Variants in SNX2 observed in about 807,000 individuals in gnomAD.
SNX2 encodes sorting nexin-2.
In SNX2, 25 loss-of-function variants were observed where a neutral mutation model predicts 69.9. That is an observed-to-expected ratio of 0.36 (90% CI 0.26 to 0.50). The LOEUF (loss-of-function observed/expected upper bound fraction) is 0.50. Among genes scored for constraint, SNX2 ranks in the 20% least tolerant of loss-of-function variants. SNX2 has a pLI of 0.97. For synonymous variants in SNX2, 229 were observed against 200.4 expected, an observed-to-expected ratio of 1.14 and a Z score of -1.20; for missense variants, 551 against 613.3, an observed-to-expected ratio of 0.90 and a Z score of 1.07.
rs1434824496 is a variant in SNX2 at position 122,826,164 on chromosome 5, A to G, written c.1327A>G (p.Ile443Val). The part of the protein sequence containing the change: ...KMMVANKPDK[I>V]QQAKNEIREW... ...GATGGTTGCTAACAAACCAGATAAA[A>G]TACAGCAAGCTAAAAATGAAATAAG... Residue 443 changes from isoleucine to valine, a missense_variant, in exon 12 of 15, where the codon ATA becomes GTA. Ile to Val is a conservative substitution (Grantham distance 29, BLOSUM62 3). Around this residue, in one of 2 missense-constraint regions of SNX2, gnomAD observed 360 missense variants for 450.4 expected, o/e 0.80. Transcript: ENST00000379516. 5.6e-6 allele frequency: 9 copies of G among 1,612,768 alleles called. No individual in the cohort carries two copies. Among genetic ancestry groups the G allele is most frequent in the East Asian group, 2.2e-5 (1 of 44,758 alleles).
At chr5:122,786,630 G>A (rs1352305936) in intron 1 of SNX2, among the ~76,000 whole-genome samples, 5 of 151,520 alleles carry the variant, frequency 3.3e-5, no homozygotes, top group South Asian at 2.1e-4. Context: ...TCATTGCTGC[G>A]CACACCAATA....
intron 1 of SNX2, among the ~76,000 whole-genome samples, chr5:122,792,904 T>A (rs1341716338): frequency 6.6e-6 from 1 of 152,126 alleles, no homozygotes; most frequent in Admixed American, 6.5e-5. Flanking sequence ...ATCATGGAAA[T>A]GCAAATTCAG....
In SNX2 at chr5:122,793,915, C is replaced by CA. The variant is rs1357270877; in HGVS notation, c.109-1351_109-1350insA. ...GCAAGAAGAGCAAAATTCTGTCCCC[C>CA]CAAAAAAAAAAAAAAAGACCTGGTT... On this transcript the variant is annotated intron_variant, in intron 1 of 14. Transcript: ENST00000379516. Among the ~76,000 whole-genome samples the CA allele has an allele frequency of 6.5e-5, 9 of 138,954 alleles. No individual in the cohort carries two copies. The South Asian group carries it at 6.9e-4, about 11-fold the overall frequency. 91.2% of individuals were successfully genotyped at this position (138,954 alleles called of 152,430 possible). A position where few individuals can be genotyped will look rare whatever the true frequency, so the allele number is the denominator to read the frequency against.
chr5:122,809,086 A>G (rs1324380105), intron 7 of SNX2, among the ~76,000 whole-genome samples: 3 of 152,198 alleles, frequency 2.0e-5, no homozygotes, highest in Non-Finnish European at 2.9e-5. Flanking sequence ...AATTACATCT[A>G]TACTAAACAT....
intron 10 of SNX2, among the ~76,000 whole-genome samples, chr5:122,817,859 T>C (rs1193883588): frequency 6.6e-6 from 1 of 152,110 alleles, no homozygotes; most frequent in African/African-American, 2.4e-5. Flanking sequence ...ATTTTTGAAC[T>C]GCAATATTGA....
intron 1 of SNX2, among the ~76,000 whole-genome samples, chr5:122,785,510 C>T (rs1472839853): frequency 6.6e-6 from 1 of 151,904 alleles, no homozygotes; most frequent in Non-Finnish European, 1.5e-5. Context: ...TTTCTCCCTA[C>T]TCTTGCTGTT....
rs369169022 is a variant in SNX2, at chr5:122,801,856, T to C, written c.391-13T>C. 181 of 1,488,136 alleles carry C rather than the reference T, an allele frequency of 1.2e-4. No individual in the cohort carries two copies. Among genetic ancestry groups the C allele is most frequent in the Non-Finnish European group, 1.5e-4 (167 of 1,082,474 alleles). The allele number at this position is 1,488,136 out of a possible 1,614,324, so 92.2% of individuals were successfully genotyped here. A position where few individuals can be genotyped will look rare whatever the true frequency, so the allele number is the denominator to read the frequency against. ...ATAATTTTTAATGCCAAAAAATAAT[T>C]TATACTTTCTAGATTGAAGAAGAAG... On this transcript the variant is annotated splice_polypyrimidine_tract_variant and intron_variant, in intron 3 of 14. Coordinates refer to ENST00000379516, the MANE Select transcript of SNX2 (RefSeq NM_003100.4).
intron 12 of SNX2, chr5:122,826,607 T>G: frequency 1.1e-6 from 1 of 870,670 alleles, no homozygotes; most frequent in Non-Finnish European, 1.4e-6. Context: ...TTATTATAAT[T>G]TATACACTTT....
intron 7 of SNX2, among the ~76,000 whole-genome samples, chr5:122,812,950 T>G (rs975382610): frequency 2.6e-5 from 4 of 152,244 alleles, no homozygotes; most frequent in Admixed American, 6.5e-5. Context: ...TTGTTTTGTT[T>G]CTGGTAAGTA....
intron 11 of SNX2, among the ~76,000 whole-genome samples, chr5:122,820,751 T>C (rs1357775625): frequency 6.6e-6 from 1 of 152,206 alleles, no homozygotes; most frequent in East Asian, 1.9e-4. Context: ...AAAGATGGAT[T>C]ACAGTTAGCT....
Position 122,815,949 on chromosome 5 carries a change from G to A in SNX2, c.776G>A (p.Arg259Lys), listed in dbSNP as rs1443447369. The change falls in exon 8 of 15, where the codon AGG (arginine) becomes AAG (lysine). Residue 259 changes from arginine to lysine, a missense_variant. Physicochemically the swap from Arg to Lys is conservative, Grantham distance 26 (BLOSUM62 2). This residue lies in a region of SNX2 where 360 missense variants were observed against 450.4 expected (regional missense o/e 0.80). Coordinates refer to ENST00000379516, the MANE Select transcript of SNX2 (RefSeq NM_003100.4). ...ACTTTACTACAGGATCCTGATTTAA[G>A]GCAGTTCTTGGAAAGTTCAGAGGTA... The part of the protein sequence containing the change: ...HPTLLQDPDL[R>K]QFLESSELPR... 1.3e-6 allele frequency: 2 copies of A among 1,597,298 alleles called. No individual in the cohort carries two copies. The highest frequency in any genetic ancestry group is 1.7e-6 in the Non-Finnish European group (2 of 1,169,758).
chr5:122,821,254 G>A (rs6595413), intron 11 of SNX2, among the ~76,000 whole-genome samples: 123,310 of 152,164 alleles, frequency 0.81, 50,855 homozygotes, highest in East Asian at 0.99. Flanking sequence ...GTCATAAACT[G>A]TTAGGTTCTT....
chr5:122,801,719 G>T, intron 3 of SNX2, 150 bp from the exon 4 acceptor site: 5 of 494,382 alleles, frequency 1.0e-5, no homozygotes, highest in Non-Finnish European at 1.8e-5. Context: ...AAATGTGAAA[G>T]TTTTTATTGT....
rs555718152 is a variant in SNX2, at chr5:122,819,342, T to C, written c.1212+319T>C. Among the ~76,000 whole-genome samples the C allele has an allele frequency of 2.0e-5, 3 of 152,320 alleles. No homozygotes were observed. In the East Asian group the frequency reaches 5.8e-4, roughly 29 times the overall value. Reference sequence around the variant, plus strand: ...TCGTTCTAGCACTAACTGAAACTACTCACCGGACTCTATTATCATTAGTAA... The same window carrying C: ...TCGTTCTAGCACTAACTGAAACTACCCACCGGACTCTATTATCATTAGTAA... On this transcript the variant is annotated intron_variant, in intron 11 of 14. Transcript: ENST00000379516.
chr5:122,805,930 G>A (rs1039348973), intron 6 of SNX2, among the ~76,000 whole-genome samples: 1 of 151,848 alleles, frequency 6.6e-6, no homozygotes, highest in African/African-American at 2.4e-5. Flanking sequence ...ACAGGCGCCC[G>A]CCACCACGCA....
At chr5:122,814,695 AATATT>A (rs935867158) in intron 7 of SNX2, among the ~76,000 whole-genome samples, 7 of 152,168 alleles carry the variant, frequency 4.6e-5, no homozygotes, top group Middle Eastern at 6.3e-3. Context: ...TGCGAGGAAA[AATATT>A]ATAACTGAAA....
At chr5:122,789,440 CAT>C (rs1237123091) in intron 1 of SNX2, among the ~76,000 whole-genome samples, 5 of 70,548 alleles carry the variant, frequency 7.1e-5, no homozygotes, top group African/African-American at 7.0e-5. Context: ...CACACACACA[CAT>C]ACACACACAC....
At chr5:122,813,767 CTTTTTTTT>C (rs546503535) in intron 7 of SNX2, among the ~76,000 whole-genome samples, 3 of 115,364 alleles carry the variant, frequency 2.6e-5, no homozygotes, top group African/African-American at 9.9e-5. Flanking sequence ...AGAATATTTC[CTTTTTTTT>C]TTTTTTTTTT....
At chr5:122,814,776 G>A (rs1199575143) in intron 7 of SNX2, among the ~76,000 whole-genome samples, 1 of 47,478 alleles carries the variant, frequency 2.1e-5, no homozygotes, top group East Asian at 6.5e-4. Context: ...TTGAGACGGA[G>A]TTTCACTCTG....
Sources: allele counts gnomAD v4.1 joint callset (sites outside exome capture counted in the v4.1 genomes callset), GRCh38; gene constraint gnomAD v4.1.1; regional missense constraint gnomAD v4.1.1; transcripts MANE v1.5; gene names NCBI Gene and HGNC (gene_info 2026-07-23, HGNC 2026-07-21).